SHCBP1: variants seen among roughly 807,000 people sequenced by gnomAD.
SHCBP1 encodes SHC SH2 domain-binding protein 1.
A neutral mutation model predicts 75.1 loss-of-function variants in SHCBP1; 60 were observed. The observed-to-expected ratio is 0.80, with a 90% CI of 0.65 to 0.99. The LOEUF is 0.99. Among genes scored for constraint, SHCBP1 ranks in the 50% least tolerant of loss-of-function variants. The pLI is 0.00. For missense variants in SHCBP1, 709 were observed against 809.4 expected (o/e 0.88, Z 1.50); for synonymous variants, 290 against 293.2 (o/e 0.99, Z 0.11).
intron 4 of SHCBP1, among the ~76,000 whole-genome samples, chr16:46,613,949 T>C (rs1965457384): frequency 6.6e-6 from 1 of 152,188 alleles, no homozygotes; most frequent in South Asian, 2.1e-4. Context: ...CCTCCTCAAA[T>C]AATACTACCA....
chr16:46,583,759 CTA>C (rs1964908103), intron 11 of SHCBP1, 102 bp from the exon 12 acceptor site: 5 of 1,384,094 alleles, frequency 3.6e-6, no homozygotes, highest in Admixed American at 2.4e-5. Context: ...AAGGAAAAAG[CTA>C]TGTTTAGTCC....
intron 8 of SHCBP1, among the ~76,000 whole-genome samples, chr16:46,602,186 G>A (rs1286452324): frequency 3.3e-5 from 5 of 152,114 alleles, no homozygotes; most frequent in African/African-American, 1.2e-4. Context: ...TATAATATCA[G>A]TGTTATTTCC....
chr16:46,603,662 A>T lies in SHCBP1; in HGVS notation c.1093-3T>A, dbSNP rs773060845. The T allele has an allele frequency of 6.2e-7, 1 of 1,614,004 alleles. No individual in the cohort carries two copies. The highest frequency in any genetic ancestry group is 8.5e-7 in the Non-Finnish European group (1 of 1,180,012). ...GCAGACAATGGATCACTATGGAACT[A>T]GAAAACAATAAGAACACATTTGTAA... On this transcript the variant is annotated splice_region_variant and splice_polypyrimidine_tract_variant and intron_variant, in intron 7 of 12. Transcript: ENST00000303383.
At position 46,581,696 on chromosome 16, in the gene SHCBP1, C is replaced by T. The variant is rs1216580233; in HGVS notation, c.*33G>A. 6.4e-7 allele frequency: 1 copy of T among 1,560,800 alleles called. No homozygotes were observed. The highest frequency in any genetic ancestry group is 1.4e-5 in the African/African-American group (1 of 73,730). On this transcript the variant is annotated 3_prime_UTR_variant, in exon 13 of 13. Transcript: ENST00000303383. ...ATTCTTAGGGCAGCATGTGCAAAATCCAGTATTTTGCTATCTACTTACATC... is the reference window on the plus strand; with the variant it reads ...ATTCTTAGGGCAGCATGTGCAAAATTCAGTATTTTGCTATCTACTTACATC...
At position 46,604,364 on chromosome 16, in the gene SHCBP1, T is replaced by C. The variant is rs1423088335; in HGVS notation, c.787A>G (p.Asn263Asp). The C allele has an allele frequency of 1.9e-6, 3 of 1,614,190 alleles. No homozygotes were observed. The East Asian group carries it at 6.7e-5, about 36-fold the overall frequency. Residue 263 changes from asparagine to aspartate, a missense_variant, in exon 6 of 13, where the codon AAT (asparagine) becomes GAT (aspartate). Physicochemically the swap from Asn to Asp is conservative, Grantham distance 23. Coordinates refer to ENST00000303383, the MANE Select transcript of SHCBP1 (RefSeq NM_024745.5). ...CAATTTGACAAACTGCTTCTCAGATTTAAAAATTTCCTGTAACTCTCCTCA... is the reference window on the plus strand; with the variant it reads ...CAATTTGACAAACTGCTTCTCAGATCTAAAAATTTCCTGTAACTCTCCTCA... ...QCEESYRKFL[N>D]LRSSLSNCNS...
rs1032225209 is a variant in SHCBP1 at position 46,584,120 on chromosome 16, C to G, written c.1465-31G>C. On this transcript the variant is annotated intron_variant, in intron 10 of 12. Coordinates refer to ENST00000303383, the MANE Select transcript of SHCBP1 (RefSeq NM_024745.5). ...AGTCACAGTTTGAGATAATGACAATCAGTTTTTAAAAGGCAAGACTATAAG... is the reference window on the plus strand; with the variant it reads ...AGTCACAGTTTGAGATAATGACAATGAGTTTTTAAAAGGCAAGACTATAAG... The G allele has an allele frequency of 5.2e-6, 8 of 1,527,554 alleles. No individual in the cohort carries two copies. The African/African-American group carries it at 1.1e-4, about 21-fold the overall frequency. 94.6% of individuals were successfully genotyped at this position (1,527,554 alleles called of 1,614,324 possible).
In SHCBP1 at chr16:46,579,965, CA is replaced by C. The variant is rs951278409; in HGVS notation, c.*1763del. On this transcript the variant is annotated 3_prime_UTR_variant, in exon 13 of 13. Coordinates refer to ENST00000303383, the MANE Select transcript of SHCBP1 (RefSeq NM_024745.5). ...AAATAAAATAAAAATAAAATAAATA[CA>C]AAAAAAAAATTAGCTGGGCATGGTG... Among the ~76,000 whole-genome samples the C allele has an allele frequency of 2.5e-4, 36 of 142,982 alleles. No homozygotes were observed. Among genetic ancestry groups the C allele is most frequent in the Admixed American group, 4.2e-4 (6 of 14,290 alleles). The allele number at this position is 142,982 out of a possible 152,430, so 93.8% of individuals were successfully genotyped here.
At chr16:46,598,846 G>A (rs1965185541) in intron 9 of SHCBP1, among the ~76,000 whole-genome samples, 1 of 152,190 alleles carries the variant, frequency 6.6e-6, no homozygotes, top group Non-Finnish European at 1.5e-5. Context: ...AGATCTTCTG[G>A]TTAACTTTCT....
At chr16:46,615,363 CT>C (rs1555520382) in intron 4 of SHCBP1, among the ~76,000 whole-genome samples, 1 of 152,162 alleles carries the variant, frequency 6.6e-6, no homozygotes, top group Non-Finnish European at 1.5e-5. Flanking sequence ...ATAGGCACCC[CT>C]AACCCCCACA....
chr16:46,616,506 A>G lies in SHCBP1; in HGVS notation c.388-352T>C, dbSNP rs1965502296. On this transcript the variant is annotated intron_variant, in intron 3 of 12. Coordinates refer to ENST00000303383, the MANE Select transcript of SHCBP1 (RefSeq NM_024745.5). The surrounding 1 kb of genome is among the most constrained non-coding windows in gnomAD (Gnocchi z 4.4). ...GGAAAGCACAGAAGGCCTGTGGCAGAGACAGGCTTGGCAGCTGGAGGAGCG... is the reference window on the plus strand; with the variant it reads ...GGAAAGCACAGAAGGCCTGTGGCAGGGACAGGCTTGGCAGCTGGAGGAGCG... Among the ~76,000 whole-genome samples, 1 of 152,212 alleles carries G rather than the reference A, an allele frequency of 6.6e-6. No homozygotes were observed. Among genetic ancestry groups the G allele is most frequent in the Non-Finnish European group, 1.5e-5 (1 of 68,034 alleles).
chr16:46,618,219 T>C lies in SHCBP1; in HGVS notation c.257A>G (p.Gln86Arg), dbSNP rs1426536565. The C allele has an allele frequency of 1.3e-6, 2 of 1,591,422 alleles. No individual in the cohort carries two copies. Among genetic ancestry groups the C allele is most frequent in the Non-Finnish European group, 8.5e-7 (1 of 1,174,076 alleles). Residue 86 changes from glutamine (Q) to arginine (R), a missense_variant, in exon 2 of 13, where the codon CAA (glutamine) becomes CGA (arginine). By Grantham distance (43) the Gln-to-Arg change is conservative. Transcript: ENST00000303383. The stretch of plus-strand genomic sequence containing the variant: ...AACCTACTCACCTAAAATGTAATCT[T>C]GATAGGCTCTGAATCGCTCATAGAA... ...LLFYERFRAY[Q>R]DYILADCKAS...
At chr16:46,603,003 G>A (rs1965265037) in intron 8 of SHCBP1, among the ~76,000 whole-genome samples, 1 of 152,206 alleles carries the variant, frequency 6.6e-6, no homozygotes, top group Non-Finnish European at 1.5e-5. Context: ...GACACAAAGT[G>A]TAGCATTTGT....
At chr16:46,586,455 C>T (rs1047932153) in intron 10 of SHCBP1, among the ~76,000 whole-genome samples, 1 of 152,038 alleles carries the variant, frequency 6.6e-6, no homozygotes, top group African/African-American at 2.4e-5. Context: ...AACAGAGCTC[C>T]AGGGGTCTGC....
At position 46,581,731 on chromosome 16, in the gene SHCBP1, A is replaced by C. The variant is rs1964873208; in HGVS notation, c.2017T>G (p.Ter673GlyextTer3). The change falls in exon 13 of 13, where the codon TGA becomes GGA. Residue 673 changes from the stop codon to glycine, a stop_lost. Coordinates refer to ENST00000303383, the MANE Select transcript of SHCBP1 (RefSeq NM_024745.5). The stretch of plus-strand genomic sequence containing the variant: ...GCTATCTACTTACATCACTGTAGTC[A>C]GAAAAGAAATGTGCCAAAACTACCT... ...GKGSFGTFLF[*>G] is the part of the protein sequence containing the mutation. 1 of 1,611,878 alleles carries C rather than the reference A, an allele frequency of 6.2e-7. No individual in the cohort carries two copies. Among genetic ancestry groups the C allele is most frequent in the South Asian group, 1.1e-5 (1 of 90,798 alleles).
rs766719161 is a variant in SHCBP1 at position 46,595,661 on chromosome 16, C to T, written c.1355G>A (p.Arg452His). Residue 452 changes from arginine (R) to histidine (H), a missense_variant, in exon 10 of 13, where the codon CGT (arginine) becomes CAT (histidine). Arg to His is a conservative substitution (Grantham distance 29, BLOSUM62 0). Transcript: ENST00000303383. Reference protein sequence around the residue: ...DAVEGILIVHRGKTTLENCVL... With the variant: ...DAVEGILIVHHGKTTLENCVL... The stretch of plus-strand genomic sequence containing the variant: ...ACAGTTTTCCAGCGTAGTCTTACCA[C>T]GGTGAACAACTGGGATGAAAATACA... The T allele has an allele frequency of 3.7e-5, 60 of 1,613,182 alleles. No homozygotes were observed. The highest frequency in any genetic ancestry group is 7.7e-5 in the South Asian group (7 of 91,006).
rs1358916769 is a variant in SHCBP1 at position 46,608,219 on chromosome 16, G to T, written c.689+78C>A. 27 of 837,380 alleles carry T rather than the reference G, an allele frequency of 3.2e-5. No individual in the cohort carries two copies. The South Asian group carries it at 4.1e-4, about 13-fold the overall frequency. The allele number at this position is 837,380 out of a possible 1,614,324, so 51.9% of individuals were successfully genotyped here. A position where few individuals can be genotyped will look rare whatever the true frequency, so the allele number is the denominator to read the frequency against. On this transcript the variant is annotated intron_variant, in intron 5 of 12. Coordinates refer to ENST00000303383, the MANE Select transcript of SHCBP1 (RefSeq NM_024745.5). ...TGAGTGTGGGTGTGTGTGTGTGTGT[G>T]TATCTCACACAGGCAAAATTAAACC...
chr16:46,604,104 T>C lies in SHCBP1; in HGVS notation c.963A>G (p.Ala321=). Residue 321 remains alanine, a synonymous_variant, in exon 7 of 13, where the codon GCA becomes GCG. Coordinates refer to ENST00000303383, the MANE Select transcript of SHCBP1 (RefSeq NM_024745.5). The part of the protein sequence containing the change: ...FGYQKNSNIQ[A]KGVRSSGQKI... ...TCTGACCGCTGGAACGGACACCCTT[T>C]GCTTGGATGTTAGAATTCTTCTGAT... The C allele has an allele frequency of 6.2e-7, 1 of 1,614,194 alleles. No homozygotes were observed. The highest frequency in any genetic ancestry group is 8.5e-7 in the Non-Finnish European group (1 of 1,180,030).
At chr16:46,583,921 G>T in intron 11 of SHCBP1, 82 bp downstream of exon 11, 3 of 1,271,746 alleles carry the variant, frequency 2.4e-6, no homozygotes, top group Non-Finnish European at 3.3e-6. Flanking sequence ...CCAGAAAATA[G>T]AACCCAACAA....
At chr16:46,583,924 C>T in intron 11 of SHCBP1, 79 bp downstream of exon 11, 1 of 1,292,418 alleles carries the variant, frequency 7.7e-7, no homozygotes, top group Non-Finnish European at 1.1e-6. Context: ...GAAAATAGAA[C>T]CCAACAATTT....
Sources: allele counts gnomAD v4.1 joint callset (sites outside exome capture counted in the v4.1 genomes callset), GRCh38; gene constraint gnomAD v4.1.1; non-coding constraint Gnocchi (gnomAD v3.1); transcripts MANE v1.5; gene names NCBI Gene and HGNC (gene_info 2026-07-23, HGNC 2026-07-21).